The following ERC1 variants were observed in gnomAD, a reference collection of about 807,000 sequenced individuals.
The protein encoded by ERC1 is RAB6 interacting protein 2.
A neutral mutation model predicts 132.0 loss-of-function variants in ERC1; 56 were observed. That is an observed-to-expected ratio of 0.42 (90% CI 0.34 to 0.53). The LOEUF (loss-of-function observed/expected upper bound fraction) is 0.53. Ranked by LOEUF, ERC1 falls within the 20% of genes least tolerant of loss-of-function variation. The probability of loss-of-function intolerance (pLI) is 0.03; values close to 1 mark genes in which losing one functional copy is unlikely to be tolerated. For missense variants in ERC1, 1,202 were observed against 1,349.9 expected (o/e 0.89, Z 1.72); for synonymous variants, 478 against 476.1 (o/e 1.00, Z -0.05).
chr12:1,083,073 T>C, intron 2 of ERC1, 91 bp from the exon 3 acceptor site: 1 of 1,076,748 alleles, frequency 9.3e-7, no homozygotes, highest in Non-Finnish European at 1.4e-6. Context: ...TGCAGATTTC[T>C]TGTAGCTATT....
chr12:1,069,730 A>G (rs1252061853), intron 2 of ERC1, among the ~76,000 whole-genome samples: 1 of 152,190 alleles, frequency 6.6e-6, no homozygotes, highest in Non-Finnish European at 1.5e-5. Context: ...ACACCTCATA[A>G]TCAAACATAC....
intron 10 of ERC1, 25 bp downstream of exon 10, chr12:1,182,090 G>C: frequency 1.2e-6 from 2 of 1,609,076 alleles, no homozygotes; most frequent in Non-Finnish European, 1.7e-6. Context: ...AATGGAATTA[G>C]TTTGTTTGCT....
chr12:1,278,437 A>T (rs979361090), intron 14 of ERC1, among the ~76,000 whole-genome samples: 8 of 152,204 alleles, frequency 5.3e-5, no homozygotes, highest in Admixed American at 1.3e-4. Flanking sequence ...CAGAGAATGA[A>T]TGTCCAAAAA....
chr12:1,197,030 G>T (rs1594143879), intron 12 of ERC1, among the ~76,000 whole-genome samples: 1 of 143,656 alleles, frequency 7.0e-6, no homozygotes, highest in African/African-American at 2.6e-5. Context: ...ACCCAGGCTG[G>T]AGTGCAATGG....
chr12:1,390,390 T>C (rs886721430), intron 16 of ERC1, among the ~76,000 whole-genome samples: 4 of 152,212 alleles, frequency 2.6e-5, no homozygotes, highest in African/African-American at 9.6e-5. Context: ...TGTCTATTAA[T>C]ATTGATTAAT....
At chr12:1,002,128 C>G (rs1565753356) in intron 1 of ERC1, among the ~76,000 whole-genome samples, 1 of 126,164 alleles carries the variant, frequency 7.9e-6, no homozygotes, top group Non-Finnish European at 1.6e-5. Context: ...TCTCAAAGTG[C>G]TGGGATCACA....
intron 16 of ERC1, among the ~76,000 whole-genome samples, chr12:1,398,184 A>G (rs1248301721): frequency 2.0e-5 from 3 of 151,830 alleles, no homozygotes; most frequent in African/African-American, 7.3e-5. Context: ...GGGTTTCACC[A>G]TGTTGCCCAG....
At chr12:1,328,589 G>T (rs755126367) in intron 15 of ERC1, among the ~76,000 whole-genome samples, 1 of 151,910 alleles carries the variant, frequency 6.6e-6, no homozygotes, top group Non-Finnish European at 1.5e-5. Flanking sequence ...TGTACGCCAC[G>T]CCCATGTGAC....
rs139259435 is a variant in ERC1 at position 1,490,232 on chromosome 12, C to G, written c.*2C>G. On this transcript the variant is annotated 3_prime_UTR_variant, in exon 19 of 19. Coordinates refer to ENST00000360905, the MANE Select transcript of ERC1 (RefSeq NM_178040.4). ...AACGCCCTGGAAGAGTCCTCTTGACCCTGCTTTATGGGGAAGCCTGAGGTA... is the reference window on the plus strand; with the variant it reads ...AACGCCCTGGAAGAGTCCTCTTGACGCTGCTTTATGGGGAAGCCTGAGGTA... 4.0e-5 allele frequency: 65 copies of G among 1,613,262 alleles called. No individual in the cohort carries two copies. The highest frequency in any genetic ancestry group is 5.5e-5 in the Non-Finnish European group (65 of 1,179,568).
chr12:1,116,584 T>C (rs1373726129), intron 7 of ERC1, among the ~76,000 whole-genome samples: 2 of 151,686 alleles, frequency 1.3e-5, no homozygotes, highest in Admixed American at 1.3e-4. Flanking sequence ...TTTTTTTTTT[T>C]GAGATGGCCT....
chr12:1,267,666 G>A (rs2077565026), intron 14 of ERC1, among the ~76,000 whole-genome samples: 1 of 152,168 alleles, frequency 6.6e-6, no homozygotes, highest in South Asian at 2.1e-4. Flanking sequence ...AGGGACTGAG[G>A]TGAGAGGATC....
intron 15 of ERC1, among the ~76,000 whole-genome samples, chr12:1,356,313 T>C (rs1232930179): frequency 6.6e-6 from 1 of 151,366 alleles, no homozygotes; most frequent in African/African-American, 2.4e-5. Context: ...TAAACAGTAA[T>C]AGGTATCAAT....
At chr12:1,201,893 C>T (rs1956947293) in intron 12 of ERC1, among the ~76,000 whole-genome samples, 1 of 152,086 alleles carries the variant, frequency 6.6e-6, no homozygotes. Context: ...AGAATATGCT[C>T]TTAATGTGGT....
rs368234236 is a variant in ERC1 at position 1,274,480 on chromosome 12, T to TTTTATTTATTTATTTA, written c.2619+11330_2619+11345dup. On this transcript the variant is annotated intron_variant, in intron 14 of 18. Transcript: ENST00000360905. Reference sequence around the variant, plus strand: ...ATCTCGTCTATTTTATTTTATTTTATTTTATTTATTTATTTATTTATTTAT... The same window carrying TTTTATTTATTTATTTA: ...ATCTCGTCTATTTTATTTTATTTTATTTTATTTATTTATTTATTTATTTATTTATTTATTTATTTAT... 5.3e-3 allele frequency among the ~76,000 whole-genome samples: 790 copies of TTTTATTTATTTATTTA among 150,222 alleles called. 12 individuals carry two copies. The highest frequency in any genetic ancestry group is 0.018 in the African/African-American group (742 of 40,482).
intron 18 of ERC1, among the ~76,000 whole-genome samples, chr12:1,469,618 C>T (rs745619577): frequency 7.9e-5 from 12 of 152,222 alleles, no homozygotes; most frequent in Non-Finnish European, 1.3e-4. Context: ...GGGAACTGCA[C>T]TCACAAGTAT....
intron 15 of ERC1, among the ~76,000 whole-genome samples, chr12:1,345,391 G>A (rs1041326913): frequency 1.8e-4 from 28 of 151,990 alleles, no homozygotes; most frequent in Admixed American, 1.8e-3. Context: ...CACCGTGTTA[G>A]CCAGGATGGT....
chr12:1,057,452 G>T (rs924402427), intron 2 of ERC1, among the ~76,000 whole-genome samples: 2 of 151,960 alleles, frequency 1.3e-5, no homozygotes, highest in African/African-American at 4.8e-5. Flanking sequence ...AGAACTGTCT[G>T]TTTAAAATAT....
Position 1,495,775 on chromosome 12 carries a change from T to G in ERC1, c.*5545T>G, listed in dbSNP as rs539916702. On this transcript the variant is annotated 3_prime_UTR_variant, in exon 19 of 19. Coordinates refer to ENST00000360905, the MANE Select transcript of ERC1 (RefSeq NM_178040.4). Reference sequence around the variant, plus strand: ...GCTGCCTTCAGCTGTATGTGTGTGTTCCTGCTGGAGTTGTGTTACTGACAG... The same window carrying G: ...GCTGCCTTCAGCTGTATGTGTGTGTGCCTGCTGGAGTTGTGTTACTGACAG... The G allele has an allele frequency of 1.4e-5, 3 of 221,662 alleles. No homozygotes were observed. The South Asian group carries it at 5.5e-4, about 41-fold the overall frequency. The allele number at this position is 221,662 out of a possible 1,614,324, so 13.7% of individuals were successfully genotyped here.
intron 12 of ERC1, among the ~76,000 whole-genome samples, chr12:1,213,198 G>A (rs1958040967): frequency 1.3e-5 from 2 of 151,872 alleles, no homozygotes; most frequent in Admixed American, 1.3e-4. Context: ...TAAATCTTTT[G>A]GCTTCCATTT....
Sources: allele counts gnomAD v4.1 joint callset (sites outside exome capture counted in the v4.1 genomes callset), GRCh38; gene constraint gnomAD v4.1.1; transcripts MANE v1.5; gene names NCBI Gene and HGNC (gene_info 2026-07-23, HGNC 2026-07-21).